PHF21A: variants seen among roughly 807,000 people sequenced by gnomAD.
PHF21A encodes PHD finger protein 21A, also known as BHC80a.
A neutral mutation model predicts 82.5 loss-of-function variants in PHF21A; 11 were observed. The observed-to-expected ratio is 0.13, with a 90% CI of 0.08 to 0.22. The LOEUF (loss-of-function observed/expected upper bound fraction) is 0.22, where lower values mean the gene tolerates loss of function less well. Among genes scored for constraint, PHF21A ranks in the 10% least tolerant of loss-of-function variants. PHF21A has a pLI of 1.00. For synonymous variants in PHF21A, 297 were observed against 302.8 expected (o/e 0.98, Z 0.20); for missense variants, 579 against 837.8 (o/e 0.69, Z 3.81).
At chr11:45,987,164 TAAGCCCAGCAGTTTG>T in intron 6 of PHF21A, among the ~76,000 whole-genome samples, 1 of 152,086 alleles carries the variant, frequency 6.6e-6, no homozygotes, top group East Asian at 1.9e-4. Flanking sequence ...GAAGATCCCT[TAAGCCCAGCAGTTTG>T]AAGCTTCAGT....
intron 6 of PHF21A, among the ~76,000 whole-genome samples, chr11:45,983,387 G>A (rs1220536806): frequency 3.3e-5 from 5 of 152,016 alleles, no homozygotes; most frequent in East Asian, 1.9e-4. Flanking sequence ...AAAAGATAGC[G>A]TTGGTATGTC....
intron 6 of PHF21A, among the ~76,000 whole-genome samples, chr11:46,034,290 A>G (rs2095939057): frequency 6.9e-6 from 1 of 145,402 alleles, no homozygotes; most frequent in African/African-American, 2.6e-5. Context: ...AACTCTTTAT[A>G]TGTAAGACTA....
chr11:46,001,305 C>G (rs1004299167), intron 6 of PHF21A, among the ~76,000 whole-genome samples: 1 of 150,782 alleles, frequency 6.6e-6, no homozygotes, highest in Non-Finnish European at 1.5e-5. Flanking sequence ...GGAAATGGGG[C>G]TCTAAGATGT....
At chr11:45,988,293 G>A (rs2094563440) in intron 6 of PHF21A, among the ~76,000 whole-genome samples, 1 of 152,066 alleles carries the variant, frequency 6.6e-6, no homozygotes. Flanking sequence ...TCAAAGATGA[G>A]GATACCTTTT....
chr11:46,014,472 T>C (rs890577185), intron 6 of PHF21A, among the ~76,000 whole-genome samples: 2 of 152,230 alleles, frequency 1.3e-5, no homozygotes, highest in African/African-American at 4.8e-5. Context: ...GCAATGAACA[T>C]ACAAGTGCAA....
chr11:45,929,755 T>C lies in PHF21A; in HGVS notation c.*4213A>G, dbSNP rs10838533. On this transcript the variant is annotated 3_prime_UTR_variant, in exon 19 of 19. Coordinates refer to ENST00000676320, the MANE Select transcript of PHF21A (RefSeq NM_001352027.3). The stretch of plus-strand genomic sequence containing the variant: ...GTTTAGAGGAGGTATTTTTCAGAGT[T>C]CCTACCCCGGCTTTCTGGAGGGCAG... The C allele has an allele frequency of 0.5, 75,356 of 152,138 alleles. 21,937 individuals carry two copies. Among genetic ancestry groups the C allele is most frequent in the Non-Finnish European group, 0.65 (44,456 of 68,030 alleles). 9.4% of individuals were successfully genotyped at this position (152,138 alleles called of 1,614,324 possible). A position where few individuals can be genotyped will look rare whatever the true frequency, so the allele number is the denominator to read the frequency against.
chr11:45,961,791 G>A (rs537532191), intron 10 of PHF21A, among the ~76,000 whole-genome samples: 1 of 152,304 alleles, frequency 6.6e-6, no homozygotes, highest in Admixed American at 6.5e-5. Context: ...GCGCTGGAGA[G>A]GACAAGGACA....
At chr11:46,041,182 G>T (rs1427199750) in intron 6 of PHF21A, among the ~76,000 whole-genome samples, 1 of 152,034 alleles carries the variant, frequency 6.6e-6, no homozygotes, top group Non-Finnish European at 1.5e-5. Context: ...TTCAAATACA[G>T]AAGCGGAAAT....
chr11:45,976,479 C>A (rs2094027804), intron 7 of PHF21A, among the ~76,000 whole-genome samples: 1 of 152,030 alleles, frequency 6.6e-6, no homozygotes. Flanking sequence ...AATGATATAC[C>A]AGACTTTTGG....
At chr11:46,107,648 A>G (rs1180411712) in intron 1 of PHF21A, among the ~76,000 whole-genome samples, 1 of 152,248 alleles carries the variant, frequency 6.6e-6, no homozygotes, top group African/African-American at 2.4e-5. Context: ...AAAAACTTTT[A>G]TAACGAAAAC....
At chr11:45,939,876 C>A (rs1208300636) in intron 15 of PHF21A, among the ~76,000 whole-genome samples, 1 of 151,464 alleles carries the variant, frequency 6.6e-6, no homozygotes, top group South Asian at 2.1e-4. Context: ...ATAAGAACAC[C>A]AGGGAAGGGA....
intron 6 of PHF21A, among the ~76,000 whole-genome samples, chr11:46,036,232 G>C (rs144925907): frequency 0.012 from 1,861 of 152,160 alleles, 21 homozygotes; most frequent in Non-Finnish European, 0.019. Context: ...GGTAGACTGT[G>C]GTAAAATTTA....
intron 1 of PHF21A, among the ~76,000 whole-genome samples, chr11:46,110,793 T>C (rs2097203380): frequency 6.6e-6 from 1 of 151,898 alleles, no homozygotes; most frequent in South Asian, 2.1e-4. Context: ...TAACAATTTT[T>C]TTTTTTTTTT....
intron 6 of PHF21A, among the ~76,000 whole-genome samples, chr11:46,071,019 A>G (rs995917855): frequency 3.3e-5 from 5 of 152,322 alleles, no homozygotes; most frequent in East Asian, 1.9e-4. Context: ...TGATGTAGCA[A>G]AAGTTTTTTT....
intron 6 of PHF21A, among the ~76,000 whole-genome samples, chr11:46,059,604 G>A (rs1275600596): frequency 2.6e-5 from 4 of 151,816 alleles, no homozygotes; most frequent in Non-Finnish European, 5.9e-5. Flanking sequence ...TTTAAATTTT[G>A]TGTAGAGGTG....
intron 6 of PHF21A, among the ~76,000 whole-genome samples, chr11:46,060,131 T>C (rs974010721): frequency 6.6e-6 from 1 of 152,176 alleles, no homozygotes; most frequent in African/African-American, 2.4e-5. Context: ...TAAATTTGAT[T>C]TCTCTCTTTG....
chr11:45,964,233 T>TAATAATAATAATAATA (rs1041257338), intron 10 of PHF21A, among the ~76,000 whole-genome samples: 2 of 148,644 alleles, frequency 1.3e-5, no homozygotes, highest in African/African-American at 4.9e-5. Context: ...ATAATAATAA[T>TAATAATAATAATAATA]AATTTATTTC....
chr11:45,971,472 A>G lies in PHF21A; in HGVS notation c.361-105T>C, dbSNP rs1252442475. 9.0e-6 allele frequency: 9 copies of G among 1,002,158 alleles called. No individual in the cohort carries two copies. In the East Asian group the frequency reaches 1.6e-4, roughly 17 times the overall value. 62.1% of individuals were successfully genotyped at this position (1,002,158 alleles called of 1,614,324 possible). On this transcript the variant is annotated intron_variant, in intron 7 of 18. Transcript: ENST00000676320. The stretch of plus-strand genomic sequence containing the variant: ...CTTAACCTTGGAAGAAAACAAAACA[A>G]TAATTCTCATAATCAAGTTTCTCTG...
chr11:46,062,163 G>A (rs2096543271), intron 6 of PHF21A, among the ~76,000 whole-genome samples: 1 of 151,756 alleles, frequency 6.6e-6, no homozygotes, highest in African/African-American at 2.4e-5. Context: ...ACCACGTTGT[G>A]CCTTGGTATG....
Sources: allele counts gnomAD v4.1 joint callset (sites outside exome capture counted in the v4.1 genomes callset), GRCh38; gene constraint gnomAD v4.1.1; transcripts MANE v1.5; gene names NCBI Gene and HGNC (gene_info 2026-07-23, HGNC 2026-07-21).